Variants in PAK5 observed in about 807,000 individuals in gnomAD.
PAK5 encodes p21 (RAC1) activated kinase 5, also known as serine/threonine-protein kinase PAK 5.
A neutral mutation model predicts 65.9 loss-of-function variants in PAK5; 16 were observed. The observed-to-expected ratio is 0.24, with a 90% CI of 0.16 to 0.37. PAK5 has a LOEUF of 0.37. Among genes scored for constraint, PAK5 ranks in the 10% least tolerant of loss-of-function variants. The pLI is 1.00. For synonymous variants in PAK5, 371 were observed against 354.9 expected, an observed-to-expected ratio of 1.05 and a Z score of -0.51; for missense variants, 785 against 903.9, an observed-to-expected ratio of 0.87 and a Z score of 1.69.
At chr20:9,579,335 A>G (rs1177481292) in intron 4 of PAK5, among the ~76,000 whole-genome samples, 3 of 152,178 alleles carry the variant, frequency 2.0e-5, no homozygotes, top group Non-Finnish European at 2.9e-5. Flanking sequence ...GGAAAAATAA[A>G]TCACTTGCAC....
intron 2 of PAK5, among the ~76,000 whole-genome samples, chr20:9,646,541 G>A (rs1448535659): frequency 6.6e-6 from 1 of 152,146 alleles, no homozygotes; most frequent in African/African-American, 2.4e-5. Context: ...AAACGCTTGG[G>A]CACACCCAAA....
chr20:9,625,269 ACT>A (rs927595198), intron 3 of PAK5, among the ~76,000 whole-genome samples: 4 of 151,986 alleles, frequency 2.6e-5, no homozygotes, highest in African/African-American at 9.7e-5. Context: ...TGATGTTCTC[ACT>A]CTCTGCCCGG....
intron 1 of PAK5, among the ~76,000 whole-genome samples, chr20:9,815,160 C>A (rs1488143632): frequency 6.6e-6 from 1 of 152,166 alleles, no homozygotes; most frequent in Admixed American, 6.6e-5. Flanking sequence ...CCAAAAAATT[C>A]ATGAAGGATC....
At chr20:9,698,920 C>T (rs2047903781) in intron 2 of PAK5, among the ~76,000 whole-genome samples, 1 of 152,130 alleles carries the variant, frequency 6.6e-6, no homozygotes, top group South Asian at 2.1e-4. Context: ...AACAAAATAA[C>T]CATTTTTAAA....
At chr20:9,652,182 C>T (rs575011763) in intron 2 of PAK5, among the ~76,000 whole-genome samples, 77 of 152,212 alleles carry the variant, frequency 5.1e-4, no homozygotes, top group Middle Eastern at 6.8e-3. Flanking sequence ...CCTTCACTTA[C>T]GGGAGAAAGG....
chr20:9,673,517 C>G (rs1257589295), intron 2 of PAK5, among the ~76,000 whole-genome samples: 5 of 152,056 alleles, frequency 3.3e-5, no homozygotes, highest in Non-Finnish European at 5.9e-5. Context: ...ATTTAAATAA[C>G]CACATGTGGC....
At chr20:9,787,658 T>A (rs548764363) in intron 1 of PAK5, among the ~76,000 whole-genome samples, 80 of 147,674 alleles carry the variant, frequency 5.4e-4, no homozygotes, top group African/African-American at 1.6e-3. Context: ...TGTGTGTGTA[T>A]GTGTATACAT....
rs17852191 is a variant in PAK5 at position 9,566,167 on chromosome 20, G to A, written c.1208C>T (p.Ser403Phe). Residue 403 changes from serine (S) to phenylalanine (F), a missense_variant, in exon 5 of 10, where the codon TCC becomes TTC. Ser to Phe is a radical substitution (Grantham distance 155, BLOSUM62 -2). Around this residue, in one of 4 missense-constraint regions of PAK5, gnomAD observed 422 missense variants for 413.3 expected, o/e 1.02. Transcript: ENST00000353224. ...GTAGGTGCTGGATGAGAGGCTGAGG[G>A]AGCTCAGGTAGGAAGCCGTGGAGAT... ...QYISTASYLS[S>F]LSLSSSTYPP... The A allele has an allele frequency of 1.2e-6, 2 of 1,613,880 alleles. No individual in the cohort carries two copies. Among genetic ancestry groups the A allele is most frequent in the African/African-American group, 2.7e-5 (2 of 74,884 alleles).
At chr20:9,625,459 G>A (rs181902457) in intron 3 of PAK5, among the ~76,000 whole-genome samples, 100 of 152,324 alleles carry the variant, frequency 6.6e-4, no homozygotes, top group Admixed American at 1.2e-3. Flanking sequence ...GCTACACCAC[G>A]CCCATGGATG....
At chr20:9,574,378 C>T (rs2045847900) in intron 4 of PAK5, among the ~76,000 whole-genome samples, 4 of 152,174 alleles carry the variant, frequency 2.6e-5, no homozygotes, top group African/African-American at 9.7e-5. Context: ...CAATTAACCC[C>T]CCACAGTTGC....
intron 1 of PAK5, among the ~76,000 whole-genome samples, chr20:9,739,028 T>C (rs950244814): frequency 6.6e-5 from 10 of 152,136 alleles, no homozygotes; most frequent in Non-Finnish European, 1.5e-5. Context: ...CTCTAACTCC[T>C]CTACTGTATT....
intron 1 of PAK5, among the ~76,000 whole-genome samples, chr20:9,801,496 T>C (rs2049168574): frequency 6.6e-6 from 1 of 150,756 alleles, no homozygotes; most frequent in East Asian, 1.9e-4. Flanking sequence ...AACATATATA[T>C]ACATTATATT....
chr20:9,656,798 G>T (rs2047274301), intron 2 of PAK5, among the ~76,000 whole-genome samples: 1 of 152,106 alleles, frequency 6.6e-6, no homozygotes, highest in African/African-American at 2.4e-5. Context: ...TTCCATAATT[G>T]TTAGCTATTA....
intron 1 of PAK5, among the ~76,000 whole-genome samples, chr20:9,787,824 C>T (rs2049009135): frequency 6.6e-6 from 1 of 151,990 alleles, no homozygotes; most frequent in African/African-American, 2.4e-5. Flanking sequence ...CACACAATCA[C>T]AGATAATAGT....
At chr20:9,724,445 C>T (rs1362599189) in intron 1 of PAK5, among the ~76,000 whole-genome samples, 3 of 152,120 alleles carry the variant, frequency 2.0e-5, no homozygotes, top group Non-Finnish European at 4.4e-5. Flanking sequence ...AGCTCAAGGC[C>T]ACTCACTTGT....
chr20:9,659,096 A>G (rs930752328), intron 2 of PAK5, among the ~76,000 whole-genome samples: 1 of 152,174 alleles, frequency 6.6e-6, no homozygotes, highest in Admixed American at 6.5e-5. Flanking sequence ...TTCTCATCTA[A>G]TTATCAAACT....
chr20:9,662,070 T>C (rs1182900486), intron 2 of PAK5, among the ~76,000 whole-genome samples: 4 of 152,170 alleles, frequency 2.6e-5, no homozygotes, highest in Non-Finnish European at 4.4e-5. Context: ...CTATGATTCT[T>C]GAATAATTTT....
rs149753325 is a variant in PAK5 at position 9,720,827 on chromosome 20, T to G, written c.-161-9392A>C. 2.6e-5 allele frequency among the ~76,000 whole-genome samples: 4 copies of G among 152,128 alleles called. No individual in the cohort carries two copies. In the East Asian group the frequency reaches 7.7e-4, roughly 29 times the overall value. On this transcript the variant is annotated intron_variant, in intron 1 of 9. Transcript: ENST00000353224. ...AGTGTGGATGAACCTCAAAAACATG[T>G]CAGGGGAAAGAAGGCAGGCACAAAA...
At chr20:9,794,366 A>G (rs907646335) in intron 1 of PAK5, among the ~76,000 whole-genome samples, 1 of 152,034 alleles carries the variant, frequency 6.6e-6, no homozygotes, top group Admixed American at 6.6e-5. Flanking sequence ...AAACAAGCAA[A>G]AAAGGCAAGA....
Sources: gnomAD v4.1 joint callset for allele counts (sites outside exome capture counted in the v4.1 genomes callset) on GRCh38, gnomAD v4.1.1 for gene constraint, gnomAD v4.1.1 regional missense constraint, MANE v1.5 for transcripts, NCBI Gene and HGNC (gene_info 2026-07-23, HGNC 2026-07-21) for gene names.